GLIS3: variants seen among roughly 807,000 people sequenced by gnomAD.
The protein encoded by GLIS3 is GLIS family zinc finger 3.
Under a neutral mutation model 78.6 loss-of-function variants are expected in GLIS3, and 53 were observed. That is an observed-to-expected ratio of 0.67 (90% CI 0.54 to 0.85). The LOEUF (loss-of-function observed/expected upper bound fraction) is 0.85, where lower values mean the gene tolerates loss of function less well. Ranked by LOEUF, GLIS3 falls within the 40% of genes least tolerant of loss-of-function variation. The pLI is 0.00. For synonymous variants in GLIS3, 684 were observed against 509.9 expected (o/e 1.34, Z -4.60); for missense variants, 1,703 against 1,231.1 (o/e 1.38, Z -5.74).
At chr9:4,107,324 A>G (rs1485597293) in intron 4 of GLIS3, among the ~76,000 whole-genome samples, 1 of 152,110 alleles carries the variant, frequency 6.6e-6, no homozygotes, top group Non-Finnish European at 1.5e-5. Context: ...TCTTTTTCCA[A>G]CTGCCCTTGC....
At chr9:4,058,852 G>C (rs1025759647) in intron 4 of GLIS3, among the ~76,000 whole-genome samples, 5 of 152,008 alleles carry the variant, frequency 3.3e-5, no homozygotes, top group African/African-American at 7.3e-5. Flanking sequence ...TTTGGTGGCA[G>C]GTGCCTGTAA....
At chr9:4,338,876 G>C (rs1194151989) in intron 2 of GLIS3, among the ~76,000 whole-genome samples, 1 of 152,100 alleles carries the variant, frequency 6.6e-6, no homozygotes, top group South Asian at 2.1e-4. Context: ...TGAGTCTTGG[G>C]ATTTTTTTTA....
At chr9:4,232,553 T>C (rs1441258353) in intron 2 of GLIS3, among the ~76,000 whole-genome samples, 1 of 152,110 alleles carries the variant, frequency 6.6e-6, no homozygotes, top group African/African-American at 2.4e-5. Flanking sequence ...TTATTGAAAA[T>C]ATAGATAATA....
chr9:4,149,072 T>C (rs756549568), intron 2 of GLIS3, among the ~76,000 whole-genome samples: 2 of 152,070 alleles, frequency 1.3e-5, no homozygotes, highest in African/African-American at 2.4e-5. Flanking sequence ...GCTATCAACA[T>C]GGTGATCATG....
intron 4 of GLIS3, among the ~76,000 whole-genome samples, chr9:4,095,229 C>T (rs1185897389): frequency 2.0e-5 from 3 of 152,154 alleles, no homozygotes; most frequent in Admixed American, 1.3e-4. Context: ...TCTATGTACA[C>T]ATCCTTTGAA....
chr9:3,997,333 T>C lies in GLIS3; in HGVS notation c.1711-60144A>G, dbSNP rs139744822. On this transcript the variant is annotated intron_variant, in intron 4 of 10. Coordinates refer to ENST00000381971, the MANE Select transcript of GLIS3 (RefSeq NM_001042413.2). ...TGCACCCCAGCCTGGGCAAGAAGAGTGAAACTCGAAATTCCGTCTCAAGAA... is the reference window on the plus strand; with the variant it reads ...TGCACCCCAGCCTGGGCAAGAAGAGCGAAACTCGAAATTCCGTCTCAAGAA... Among the ~76,000 whole-genome samples the C allele has an allele frequency of 8.8e-3, 1,334 of 150,818 alleles. 28 individuals carry two copies. Among genetic ancestry groups the C allele is most frequent in the African/African-American group, 0.031 (1,275 of 41,012 alleles).
At chr9:4,284,720 G>C (rs1424991830) in intron 2 of GLIS3, among the ~76,000 whole-genome samples, 1 of 149,794 alleles carries the variant, frequency 6.7e-6, no homozygotes, top group Non-Finnish European at 1.5e-5. Context: ...AGACCAGCCT[G>C]AGCAACATAA....
At position 4,185,122 on chromosome 9, in the gene GLIS3, C is replaced by G. The variant is rs149733303; in HGVS notation, c.389-59181G>C. 3.4e-3 allele frequency among the ~76,000 whole-genome samples: 515 copies of G among 152,306 alleles called. 2 individuals carry two copies. Among genetic ancestry groups the G allele is most frequent in the African/African-American group, 0.012 (502 of 41,570 alleles). On this transcript the variant is annotated intron_variant, in intron 2 of 10. Transcript: ENST00000381971. ...AGTTAATCCCTGTTCCCATCTCCAA[C>G]CCTAGGCAACAACTTGTCAACTTTC...
chr9:4,363,489 T>C, the GLIS3 span, among the ~76,000 whole-genome samples: 2 of 152,232 alleles, frequency 1.3e-5, no homozygotes, highest in African/African-American at 4.8e-5. Context: ...GTGATTAAAA[T>C]TAACTTGCTT....
At chr9:4,416,165 T>C in the GLIS3 span, among the ~76,000 whole-genome samples, 3 of 145,056 alleles carry the variant, frequency 2.1e-5, no homozygotes, top group African/African-American at 5.1e-5. Context: ...GGCAAGAGGA[T>C]CGCTTGAGCC....
At chr9:4,412,003 A>C in the GLIS3 span, among the ~76,000 whole-genome samples, 3 of 152,250 alleles carry the variant, frequency 2.0e-5, no homozygotes, top group African/African-American at 7.2e-5. Context: ...GACAGCACAC[A>C]ATCTTAACAT....
chr9:4,001,143 T>A (rs779925204), intron 4 of GLIS3, among the ~76,000 whole-genome samples: 2 of 152,214 alleles, frequency 1.3e-5, no homozygotes, highest in Non-Finnish European at 2.9e-5. Flanking sequence ...GTCATAGTCA[T>A]GTCAGTGTTC....
chr9:4,063,866 T>C, intron 4 of GLIS3, among the ~76,000 whole-genome samples: 1 of 152,204 alleles, frequency 6.6e-6, no homozygotes, highest in East Asian at 1.9e-4. Flanking sequence ...TCTCATTCAG[T>C]GTACGTGTGT....
At chr9:4,318,782 A>C (rs1817476702) in intron 2 of GLIS3, among the ~76,000 whole-genome samples, 1 of 152,210 alleles carries the variant, frequency 6.6e-6, no homozygotes, top group African/African-American at 2.4e-5. Flanking sequence ...AAAGATGCTA[A>C]AACTATTAGG....
At chr9:4,284,918 C>G (rs937702142) in intron 2 of GLIS3, among the ~76,000 whole-genome samples, 18 of 151,564 alleles carry the variant, frequency 1.2e-4, no homozygotes, top group African/African-American at 4.4e-4. Flanking sequence ...TACCCCGTCT[C>G]AAAAAATTTT....
intron 8 of GLIS3, among the ~76,000 whole-genome samples, chr9:3,862,963 T>C (rs1820319459): frequency 1.3e-5 from 2 of 152,146 alleles, no homozygotes; most frequent in African/African-American, 4.8e-5. Context: ...GTGGCGGTTT[T>C]AAAATTCATC....
At chr9:3,893,870 C>T (rs1176990438) in intron 7 of GLIS3, among the ~76,000 whole-genome samples, 2 of 152,192 alleles carry the variant, frequency 1.3e-5, no homozygotes, top group African/African-American at 2.4e-5. Context: ...TTGATGCATA[C>T]TGAAGGACTG....
At chr9:3,864,797 G>A (rs143369826) in intron 8 of GLIS3, among the ~76,000 whole-genome samples, 6 of 152,282 alleles carry the variant, frequency 3.9e-5, no homozygotes, top group East Asian at 1.9e-4. Context: ...AGTGAAGGGC[G>A]TTTGGCTCTT....
chr9:4,077,013 C>G (rs1385966038), intron 4 of GLIS3, among the ~76,000 whole-genome samples: 1 of 152,172 alleles, frequency 6.6e-6, no homozygotes, highest in Non-Finnish European at 1.5e-5. Context: ...GAGCTGAGCT[C>G]AAGCCTCTGC....
Sources: allele counts gnomAD v4.1 joint callset (sites outside exome capture counted in the v4.1 genomes callset), GRCh38; gene constraint gnomAD v4.1.1; transcripts MANE v1.5; gene names NCBI Gene and HGNC (gene_info 2026-07-23, HGNC 2026-07-21).